The following PLCB1 variants were observed in gnomAD, a reference collection of about 807,000 sequenced individuals.
PLCB1 encodes the protein 1-phosphatidylinositol 4,5-bisphosphate phosphodiesterase beta-1.
Under a neutral mutation model 161.8 loss-of-function variants are expected in PLCB1, and 46 were observed. That is an observed-to-expected ratio of 0.28 (90% confidence interval 0.22 to 0.36). PLCB1 has a LOEUF of 0.36. PLCB1 is among the 10% of genes least tolerant of loss of function. PLCB1 has a pLI of 1.00. For synonymous variants in PLCB1, 517 were observed against 503.7 expected (o/e 1.03, Z -0.35); for missense variants, 1,016 against 1,472.5 (o/e 0.69, Z 5.07).
intron 1 of PLCB1, among the ~76,000 whole-genome samples, chr20:8,138,976 C>T (rs926484896): frequency 2.7e-5 from 4 of 146,598 alleles, no homozygotes; most frequent in Non-Finnish European, 6.0e-5. Context: ...GAGTAACAAA[C>T]TATTATATAA....
intron 3 of PLCB1, among the ~76,000 whole-genome samples, chr20:8,495,373 G>GCCTTACCT (rs1162011575): frequency 1.4e-5 from 2 of 144,640 alleles, no homozygotes; most frequent in Non-Finnish European, 3.0e-5. Flanking sequence ...TGTGGACTTT[G>GCCTTACCT]CCTTACCTTC....
intron 3 of PLCB1, among the ~76,000 whole-genome samples, chr20:8,379,813 G>GT (rs1053096646): frequency 7.3e-5 from 11 of 151,030 alleles, no homozygotes; most frequent in East Asian, 3.9e-4. Context: ...GTTTTGTTTT[G>GT]TTTTTTTTCT....
intron 2 of PLCB1, among the ~76,000 whole-genome samples, chr20:8,216,467 C>T (rs747541031): frequency 2.6e-5 from 4 of 152,122 alleles, no homozygotes; most frequent in Admixed American, 6.6e-5. Flanking sequence ...GTGTTGTGTT[C>T]TGTTTTGGTC....
chr20:8,769,493 A>C (rs1399306330), intron 26 of PLCB1, among the ~76,000 whole-genome samples: 2 of 152,148 alleles, frequency 1.3e-5, no homozygotes, highest in Non-Finnish European at 2.9e-5. Context: ...AATTACTCTT[A>C]TCAGATAGCC....
intron 2 of PLCB1, among the ~76,000 whole-genome samples, chr20:8,214,358 A>G (rs1430117110): frequency 6.6e-6 from 1 of 152,038 alleles, no homozygotes; most frequent in Non-Finnish European, 1.5e-5. Flanking sequence ...TTGACTTCTC[A>G]GGAGATCTGC....
At chr20:8,679,276 T>G in intron 9 of PLCB1, among the ~76,000 whole-genome samples, 1 of 152,198 alleles carries the variant, frequency 6.6e-6, no homozygotes, top group East Asian at 1.9e-4. Flanking sequence ...TTTTAGAAGC[T>G]AATAGATAAA....
chr20:8,485,373 C>A (rs536074488), intron 3 of PLCB1, among the ~76,000 whole-genome samples: 81 of 152,264 alleles, frequency 5.3e-4, no homozygotes, highest in African/African-American at 1.9e-3. Flanking sequence ...TGTTCTCGTG[C>A]TGATGATTAA....
intron 31 of PLCB1, among the ~76,000 whole-genome samples, chr20:8,880,378 C>T (rs1366317117): frequency 4.6e-5 from 7 of 152,126 alleles, no homozygotes; most frequent in East Asian, 1.9e-4. Context: ...AAGACATCCA[C>T]GTAAGTCTCC....
At chr20:8,417,146 G>A (rs2122532577) in intron 3 of PLCB1, among the ~76,000 whole-genome samples, 1 of 126,766 alleles carries the variant, frequency 7.9e-6, no homozygotes, top group South Asian at 2.7e-4. Flanking sequence ...GAGTGCAGTG[G>A]CGCAATCTCG....
chr20:8,147,221 G>A (rs1285813900), intron 1 of PLCB1, among the ~76,000 whole-genome samples: 1 of 152,180 alleles, frequency 6.6e-6, no homozygotes, highest in Non-Finnish European at 1.5e-5. Flanking sequence ...GAGGGACTCT[G>A]GAGAAAGAGC....
intron 27 of PLCB1, among the ~76,000 whole-genome samples, chr20:8,788,010 C>T (rs1455690551): frequency 6.6e-6 from 1 of 152,176 alleles, no homozygotes; most frequent in East Asian, 1.9e-4. Context: ...TTGTGTCATA[C>T]TTATTTTTAT....
intron 3 of PLCB1, among the ~76,000 whole-genome samples, chr20:8,468,732 C>T (rs1279985946): frequency 6.6e-6 from 1 of 152,094 alleles, no homozygotes; most frequent in Non-Finnish European, 1.5e-5. Flanking sequence ...TGGCAACTGC[C>T]ATTTATGTAA....
chr20:8,777,103 T>C (rs961947765), intron 27 of PLCB1, among the ~76,000 whole-genome samples: 5 of 152,124 alleles, frequency 3.3e-5, no homozygotes, highest in African/African-American at 1.2e-4. Flanking sequence ...TGGCTCTGCC[T>C]GAAGAGGATT....
intron 3 of PLCB1, among the ~76,000 whole-genome samples, chr20:8,387,269 G>A (rs1187771984): frequency 6.6e-6 from 1 of 152,132 alleles, no homozygotes; most frequent in Non-Finnish European, 1.5e-5. Context: ...AAAGTGAAAG[G>A]TGCATGATTC....
At chr20:8,713,654 C>T (rs1177121994) in intron 12 of PLCB1, among the ~76,000 whole-genome samples, 4 of 152,124 alleles carry the variant, frequency 2.6e-5, no homozygotes, top group Non-Finnish European at 2.9e-5. Context: ...CCCCAGGTAA[C>T]GTGAATGAAA....
intron 10 of PLCB1, among the ~76,000 whole-genome samples, chr20:8,688,829 C>T (rs988354554): frequency 2.6e-5 from 4 of 152,074 alleles, no homozygotes; most frequent in Non-Finnish European, 4.4e-5. Flanking sequence ...GCTATGCGGG[C>T]TATTTTTTGG....
At chr20:8,739,658 A>G (rs1043712737) in intron 21 of PLCB1, among the ~76,000 whole-genome samples, 2 of 152,214 alleles carry the variant, frequency 1.3e-5, no homozygotes, top group African/African-American at 4.8e-5. Context: ...TGGGCTCCGC[A>G]GCATAGCTGT....
intron 2 of PLCB1, among the ~76,000 whole-genome samples, chr20:8,255,906 T>C (rs905030400): frequency 6.6e-6 from 1 of 152,072 alleles, no homozygotes; most frequent in Admixed American, 6.6e-5. Flanking sequence ...GATTATAATA[T>C]CAAATTTTTC....
At chr20:8,428,845 T>C (rs1459715634) in intron 3 of PLCB1, among the ~76,000 whole-genome samples, 1 of 152,118 alleles carries the variant, frequency 6.6e-6, no homozygotes, top group Non-Finnish European at 1.5e-5. Context: ...CATCTAGCAT[T>C]CTGCTTGGCA....
Sources: allele counts gnomAD v4.1 joint callset (sites outside exome capture counted in the v4.1 genomes callset), GRCh38; gene constraint gnomAD v4.1.1; transcripts MANE v1.5; gene names NCBI Gene and HGNC (gene_info 2026-07-23, HGNC 2026-07-21).